SAMMSON: variants seen among roughly 807,000 people sequenced by gnomAD.
The protein encoded by SAMMSON is survival associated mitochondrial melanoma specific oncogenic non-coding RNA.
chr3:70,362,691 T>C (rs1022086600), intron 9 of SAMMSON, among the ~76,000 whole-genome samples: 6 of 151,932 alleles, frequency 3.9e-5, no homozygotes, highest in Non-Finnish European at 8.8e-5. Context: ...CATGTGTATC[T>C]TTTTTTTACA....
At chr3:70,124,677 T>C (rs1193255877) in intron 4 of SAMMSON, among the ~76,000 whole-genome samples, 1 of 151,020 alleles carries the variant, frequency 6.6e-6, no homozygotes, top group Non-Finnish European at 1.5e-5. Flanking sequence ...TAGCTGGGTG[T>C]GGTGGCGGGC....
At chr3:70,000,451 T>C (rs2066901576) in intron 1 of SAMMSON, among the ~76,000 whole-genome samples, 1 of 152,204 alleles carries the variant, frequency 6.6e-6, no homozygotes, top group South Asian at 2.1e-4. Context: ...AATATTCCTC[T>C]TTCACCCACA....
intron 7 of SAMMSON, among the ~76,000 whole-genome samples, chr3:70,320,061 A>G (rs956203162): frequency 6.6e-6 from 1 of 152,074 alleles, no homozygotes; most frequent in Non-Finnish European, 1.5e-5. Flanking sequence ...TGAGATCCAT[A>G]TATTGTAAGG....
intron 7 of SAMMSON, among the ~76,000 whole-genome samples, chr3:70,306,638 A>G (rs1231041421): frequency 6.6e-6 from 1 of 152,026 alleles, no homozygotes; most frequent in Non-Finnish European, 1.5e-5. Flanking sequence ...GTACAACACA[A>G]TTTAACAGTC....
At chr3:70,431,995 T>A (rs1448915773) in intron 2 of SAMMSON, among the ~76,000 whole-genome samples, 2 of 151,442 alleles carry the variant, frequency 1.3e-5, no homozygotes, top group African/African-American at 4.9e-5. Flanking sequence ...TTGTTTCTGC[T>A]TTTTAACTAT....
chr3:70,330,746 G>C (rs1702616481), intron 7 of SAMMSON, among the ~76,000 whole-genome samples: 1 of 152,050 alleles, frequency 6.6e-6, no homozygotes, highest in South Asian at 2.1e-4. Flanking sequence ...GTAAATTATA[G>C]TGAGTGGTTA....
intron 7 of SAMMSON, among the ~76,000 whole-genome samples, chr3:70,328,927 GAA>G (rs1168469085): frequency 1.3e-5 from 2 of 152,064 alleles, no homozygotes; most frequent in African/African-American, 4.8e-5. Context: ...TAACTTGAGA[GAA>G]AATGACACAT....
At chr3:70,107,586 C>T (rs765726716) in intron 4 of SAMMSON, among the ~76,000 whole-genome samples, 8 of 145,372 alleles carry the variant, frequency 5.5e-5, no homozygotes, top group East Asian at 2.2e-4. Flanking sequence ...TTCTACTTTC[C>T]GAATTTCTTC....
At chr3:70,293,596 G>A (rs1422154409) in intron 7 of SAMMSON, among the ~76,000 whole-genome samples, 1 of 152,092 alleles carries the variant, frequency 6.6e-6, no homozygotes, top group Non-Finnish European at 1.5e-5. Flanking sequence ...GTGCCACAGT[G>A]ATATAAGATG....
intron 7 of SAMMSON, among the ~76,000 whole-genome samples, chr3:70,333,999 G>T (rs1702644715): frequency 6.6e-6 from 1 of 152,228 alleles, no homozygotes; most frequent in African/African-American, 2.4e-5. Flanking sequence ...AGTTGGCAAA[G>T]CTTCCTCACT....
At chr3:70,378,058 T>A (rs1417230685) in intron 9 of SAMMSON, among the ~76,000 whole-genome samples, 1 of 151,822 alleles carries the variant, frequency 6.6e-6, no homozygotes, top group Non-Finnish European at 1.5e-5. Context: ...AAAAAGTACA[T>A]CCCTTCTTTC....
At chr3:70,140,820 A>T (rs1264565493) in intron 4 of SAMMSON, among the ~76,000 whole-genome samples, 2 of 152,100 alleles carry the variant, frequency 1.3e-5, no homozygotes, top group Non-Finnish European at 1.5e-5. Flanking sequence ...GCCCAATAAC[A>T]TGTTCCTCTT....
chr3:70,120,596 A>C (rs2067428918), intron 4 of SAMMSON: 1 of 152,216 alleles, frequency 6.6e-6, no homozygotes, highest in Admixed American at 6.5e-5. Context: ...GTGAGAACTG[A>C]AGTCAGCCAT....
In SAMMSON at chr3:70,092,907, T is replaced by TG. The variant is rs549561614; in HGVS notation, n.507+21342_507+21343insG. Among the ~76,000 whole-genome samples the TG allele has an allele frequency of 3.2e-3, 480 of 150,826 alleles. 2 individuals are homozygous for TG. The highest frequency in any genetic ancestry group is 0.022 in the South Asian group (103 of 4,788). On this transcript the variant is annotated intron_variant and non_coding_transcript_variant, in intron 4 of 9. Coordinates refer to ENST00000642114, the Ensembl canonical transcript of SAMMSON. ...ATGTGTTGTCTAGTGTTTTTGTTTT[T>TG]TTTTTTTTGTTTTTTTTTTCCACCA...
chr3:70,309,219 G>T (rs1702434529), intron 7 of SAMMSON, among the ~76,000 whole-genome samples: 1 of 152,072 alleles, frequency 6.6e-6, no homozygotes, highest in Non-Finnish European at 1.5e-5. Flanking sequence ...CCACTTAAGA[G>T]CCCTGCAAAT....
intron 6 of SAMMSON, among the ~76,000 whole-genome samples, chr3:70,251,063 A>C (rs1439970670): frequency 2.6e-5 from 4 of 152,230 alleles, no homozygotes; most frequent in Non-Finnish European, 4.4e-5. Flanking sequence ...TACACGGTTG[A>C]ATCGTATTCA....
At position 70,433,065 on chromosome 3, in the gene SAMMSON, C is replaced by A. The variant is rs1559588704; in HGVS notation, n.234-29495C>A. ...TTATACTACAGTTTGTCTGTCCATTCATCTATTGAAGGATATCTTAGCTAC... is the reference window on the plus strand; with the variant it reads ...TTATACTACAGTTTGTCTGTCCATTAATCTATTGAAGGATATCTTAGCTAC... On this transcript the variant is annotated intron_variant and non_coding_transcript_variant, in intron 2 of 3. Transcript: ENST00000641053. 2.0e-5 allele frequency among the ~76,000 whole-genome samples: 3 copies of A among 152,166 alleles called. No homozygotes were observed. In the East Asian group the frequency reaches 5.8e-4, roughly 29 times the overall value.
At chr3:70,164,358 A>G (rs1448818928) in intron 4 of SAMMSON, among the ~76,000 whole-genome samples, 1 of 152,042 alleles carries the variant, frequency 6.6e-6, no homozygotes, top group African/African-American at 2.4e-5. Flanking sequence ...GCATTGTTTA[A>G]TTAATAATGG....
intron 2 of SAMMSON, among the ~76,000 whole-genome samples, chr3:70,400,129 T>A (rs1390664095): frequency 6.6e-6 from 1 of 152,126 alleles, no homozygotes; most frequent in Non-Finnish European, 1.5e-5. Flanking sequence ...TGATAGTGAA[T>A]TTTCTGTTAA....
Sources: gnomAD v4.1 joint callset for allele counts (sites outside exome capture counted in the v4.1 genomes callset) on GRCh38, gnomAD v4.1.1 for gene constraint, MANE v1.5 for transcripts, NCBI Gene and HGNC (gene_info 2026-07-23, HGNC 2026-07-21) for gene names.